The following RAP2A variants were observed in gnomAD, a reference collection of about 807,000 sequenced individuals.
RAP2A encodes the protein RAP2A, member of RAS oncogene family.
A neutral mutation model predicts 15.1 loss-of-function variants in RAP2A; 5 were observed. That is an observed-to-expected ratio of 0.33 (90% CI 0.17 to 0.70). The LOEUF is 0.70. RAP2A is among the 30% of genes least tolerant of loss of function. The probability of loss-of-function intolerance (pLI) is 0.68; values close to 1 mark genes in which losing one functional copy is unlikely to be tolerated. For missense variants in RAP2A, 111 were observed against 240.3 expected (o/e 0.46, Z 3.56); for synonymous variants, 110 against 99.7 (o/e 1.10, Z -0.62).
intron 1 of RAP2A, 121 bp downstream of exon 1, chr13:97,434,905 T>A: frequency 7.4e-7 from 1 of 1,346,092 alleles, no homozygotes; most frequent in Non-Finnish European, 1.0e-6. Context: ...AGCTGGAGGC[T>A]TTACTATTGT....
chr13:97,452,646 A>G (rs866989361), intron 1 of RAP2A, among the ~76,000 whole-genome samples: 14 of 98,448 alleles, frequency 1.4e-4, no homozygotes, highest in South Asian at 4.6e-4. Flanking sequence ...ACACACACAC[A>G]CACGCACACA....
rs747383279 is a variant in RAP2A, at chr13:97,434,767, G to T, written c.297G>T (p.Gln99His). Residue 99 changes from glutamine to histidine, a missense_variant, in exon 1 of 2, where the codon CAG (glutamine) becomes CAT (histidine). Physicochemically the swap from Gln to His is conservative, Grantham distance 24 (BLOSUM62 0). Transcript: ENST00000245304. ...SFQDIKPMRD[Q>H]IIRVKRYEKV... is the part of the protein sequence containing the mutation. ...AGGACATCAAGCCCATGCGGGACCA[G>T]ATCATCCGCGTGAAGCGGTGAGCGA... The T allele has an allele frequency of 6.2e-7, 1 of 1,614,102 alleles. No individual in the cohort carries two copies.
rs1566476488 is a variant in RAP2A at position 97,465,149 on chromosome 13, A to G, written c.*707A>G. The G allele has an allele frequency of 6.6e-6, 1 of 152,284 alleles. No homozygotes were observed. Among genetic ancestry groups the G allele is most frequent in the Admixed American group, 6.5e-5 (1 of 15,270 alleles). 9.4% of individuals were successfully genotyped at this position (152,284 alleles called of 1,614,324 possible). A position where few individuals can be genotyped will look rare whatever the true frequency, so the allele number is the denominator to read the frequency against. ...TAATTCACCTGCTTTGCCACAGAAA[A>G]TGGAGGCTTTCACAAGGGTTTGATC... is the stretch of plus-strand genomic sequence containing the variant. On this transcript the variant is annotated 3_prime_UTR_variant, in exon 2 of 2. Transcript: ENST00000245304.
intron 1 of RAP2A, among the ~76,000 whole-genome samples, chr13:97,443,973 A>C (rs902439780): frequency 3.3e-5 from 5 of 152,228 alleles, no homozygotes; most frequent in Non-Finnish European, 7.3e-5. Flanking sequence ...CTAAAATATT[A>C]ATAATAAAGT....
At position 97,464,645 on chromosome 13, in the gene RAP2A, T is replaced by A. The variant is rs367790638; in HGVS notation, c.*203T>A. 2 of 593,632 alleles carry A rather than the reference T, an allele frequency of 3.4e-6. No homozygotes were observed. The highest frequency in any genetic ancestry group is 3.7e-5 in the African/African-American group (2 of 53,886). The allele number at this position is 593,632 out of a possible 1,614,324, so 36.8% of individuals were successfully genotyped here. ...TAACTACAGTTTTCACCATTTGTCCTCAGTCTCCTTTATGCATCTGCAACT... is the reference window on the plus strand; with the variant it reads ...TAACTACAGTTTTCACCATTTGTCCACAGTCTCCTTTATGCATCTGCAACT... On this transcript the variant is annotated 3_prime_UTR_variant, in exon 2 of 2. Transcript: ENST00000245304.
Position 97,469,127 on chromosome 13 carries a change from T to C in RAP2A, c.*4685T>C, listed in dbSNP as rs939821903. 3 of 151,930 alleles carry C rather than the reference T, an allele frequency of 2.0e-5. No homozygotes were observed. The highest frequency in any genetic ancestry group is 7.3e-5 in the African/African-American group (3 of 41,332). 9.4% of individuals were successfully genotyped at this position (151,930 alleles called of 1,614,324 possible). ...TATTTTTAATAAATATTTTCATAAA[T>C]AGTTTTTGTGGTTTTTTTGTTTGTT... On this transcript the variant is annotated 3_prime_UTR_variant, in exon 2 of 2. Transcript: ENST00000245304.
chr13:97,441,387 A>G (rs2066656996), intron 1 of RAP2A, among the ~76,000 whole-genome samples: 1 of 152,206 alleles, frequency 6.6e-6, no homozygotes, highest in Admixed American at 6.5e-5. Flanking sequence ...TTCACAGCCA[A>G]CAGGAAGAGC....
At chr13:97,445,280 T>C (rs2066674924) in intron 1 of RAP2A, among the ~76,000 whole-genome samples, 1 of 152,172 alleles carries the variant, frequency 6.6e-6, no homozygotes, top group African/African-American at 2.4e-5. Context: ...CACTGCTTTC[T>C]TTTTCTACTT....
At chr13:97,440,793 T>A (rs899728066) in intron 1 of RAP2A, among the ~76,000 whole-genome samples, 1 of 152,142 alleles carries the variant, frequency 6.6e-6, no homozygotes, top group African/African-American at 2.4e-5. Context: ...TTCCCCCTGC[T>A]TTATTTATCT....
At chr13:97,457,942 A>G (rs868692530) in intron 1 of RAP2A, among the ~76,000 whole-genome samples, 1 of 152,310 alleles carries the variant, frequency 6.6e-6, no homozygotes, top group East Asian at 1.9e-4. Context: ...ACTAGAATCT[A>G]TGAGAAGAAG....
intron 1 of RAP2A, among the ~76,000 whole-genome samples, chr13:97,451,908 T>C (rs1037800829): frequency 5.3e-5 from 8 of 151,420 alleles, no homozygotes; most frequent in African/African-American, 1.9e-4. Flanking sequence ...CCTTTTCATA[T>C]GCTTTATGAC....
At chr13:97,441,693 T>G (rs1441070451) in intron 1 of RAP2A, 1 of 420,148 alleles carries the variant, frequency 2.4e-6, no homozygotes, top group Non-Finnish European at 4.7e-6. Flanking sequence ...TTGCTTCTGT[T>G]TTGATTTTTC....
At chr13:97,464,062 C>CT in intron 1 of RAP2A, 143 bp from the exon 2 acceptor site, 1 of 710,458 alleles carries the variant, frequency 1.4e-6, no homozygotes, top group South Asian at 1.8e-5. Flanking sequence ...ATCTAAGTAT[C>CT]AAGCCAAGTG....
At chr13:97,447,075 TA>T (rs1330639970) in intron 1 of RAP2A, among the ~76,000 whole-genome samples, 2 of 152,092 alleles carry the variant, frequency 1.3e-5, no homozygotes, top group African/African-American at 2.4e-5. Flanking sequence ...TGAAGATCTT[TA>T]AAAAAAATTT....
At position 97,464,409 on chromosome 13, in the gene RAP2A, T is replaced by C. The variant is rs2066761054; in HGVS notation, c.519T>C (p.Asp173=). The change falls in exon 2 of 2, where the codon GAT becomes GAC. Residue 173 remains aspartate (D), a synonymous_variant. Coordinates refer to ENST00000245304, the MANE Select transcript of RAP2A (RefSeq NM_021033.7). ...ACTATGCTGCTCAGCCTGACAAAGA[T>C]GACCCATGCTGTTCTGCATGTAACA... ...QMNYAAQPDK[D]DPCCSACNIQ is the part of the protein sequence containing the mutation. 6.2e-7 allele frequency: 1 copy of C among 1,614,116 alleles called. No individual in the cohort carries two copies. Among genetic ancestry groups the C allele is most frequent in the Admixed American group, 1.7e-5 (1 of 60,008 alleles).
intron 1 of RAP2A, among the ~76,000 whole-genome samples, chr13:97,449,517 G>C (rs1320217274): frequency 3.3e-5 from 5 of 152,102 alleles, no homozygotes; most frequent in African/African-American, 1.2e-4. Context: ...ATCATGCTTA[G>C]AGACTATTGG....
intron 1 of RAP2A, among the ~76,000 whole-genome samples, chr13:97,460,885 A>C (rs1004171717): frequency 2.6e-5 from 4 of 152,012 alleles, no homozygotes; most frequent in Non-Finnish European, 5.9e-5. Context: ...TTTGACTCCC[A>C]TCTTTTTTGC....
chr13:97,437,896 T>G (rs1215237763), intron 1 of RAP2A, among the ~76,000 whole-genome samples: 1 of 152,224 alleles, frequency 6.6e-6, no homozygotes, highest in Non-Finnish European at 1.5e-5. Context: ...GGATTGCTAT[T>G]ACTTGAAATG....
chr13:97,445,228 T>G (rs1257737937), intron 1 of RAP2A, among the ~76,000 whole-genome samples: 6 of 152,208 alleles, frequency 3.9e-5, no homozygotes, highest in Admixed American at 3.9e-4. Context: ...CCTCCCTATC[T>G]AAAATATAAT....
Sources: allele counts gnomAD v4.1 joint callset (sites outside exome capture counted in the v4.1 genomes callset), GRCh38; gene constraint gnomAD v4.1.1; transcripts MANE v1.5; gene names NCBI Gene and HGNC (gene_info 2026-07-23, HGNC 2026-07-21).